NUP133: variants seen among roughly 807,000 people sequenced by gnomAD.
NUP133 encodes the protein nuclear pore complex protein Nup133.
NUP133 carries 66 observed loss-of-function variants against 146.2 expected under a neutral mutation model. That is an observed-to-expected ratio of 0.45 (90% CI 0.37 to 0.55). The LOEUF (loss-of-function observed/expected upper bound fraction) is 0.55. NUP133 is among the 20% of genes least tolerant of loss of function. The pLI, the probability that NUP133 is intolerant of heterozygous loss-of-function variation, is 0.00. For synonymous variants in NUP133, 521 were observed against 498.8 expected, an observed-to-expected ratio of 1.04 and a Z score of -0.59; for missense variants, 1,277 against 1,374.8, an observed-to-expected ratio of 0.93 and a Z score of 1.12.
intron 16 of NUP133, among the ~76,000 whole-genome samples, chr1:229,465,906 A>AAG (rs1436292635): frequency 7.9e-5 from 12 of 151,444 alleles, no homozygotes; most frequent in African/African-American, 2.7e-4. Flanking sequence ...AAAAAAAAAA[A>AAG]AAAGAAAAGA....
chr1:229,459,584 G>A (rs1386693207), intron 20 of NUP133, among the ~76,000 whole-genome samples: 1 of 152,070 alleles, frequency 6.6e-6, no homozygotes, highest in African/African-American at 2.4e-5. Flanking sequence ...CTGCTTCCAT[G>A]AGTTCAATTG....
intron 11 of NUP133, among the ~76,000 whole-genome samples, chr1:229,485,708 G>A (rs1472912628): frequency 6.6e-6 from 1 of 152,128 alleles, no homozygotes; most frequent in Non-Finnish European, 1.5e-5. Flanking sequence ...TTAGATATAT[G>A]GAGAAAAATA....
intron 7 of NUP133, 119 bp downstream of exon 7, chr1:229,495,773 C>T: frequency 1.0e-6 from 1 of 979,596 alleles, no homozygotes; most frequent in Non-Finnish European, 1.5e-6. Flanking sequence ...ATCTGATAAC[C>T]ATACACTATG....
chr1:229,460,682 A>C lies in NUP133; in HGVS notation c.2773T>G (p.Leu925Val), dbSNP rs765260773. The C allele has an allele frequency of 1.9e-6, 3 of 1,614,118 alleles. No individual in the cohort carries two copies. Among genetic ancestry groups the C allele is most frequent in the Non-Finnish European group, 2.5e-6 (3 of 1,179,992 alleles). Residue 925 changes from leucine to valine, a missense_variant, in exon 20 of 26, where the codon TTG becomes GTG. Leu to Val is a conservative substitution (Grantham distance 32). Around this residue, in one of 3 missense-constraint regions of NUP133, gnomAD observed 952 missense variants for 1,047.0 expected, o/e 0.91. Coordinates refer to ENST00000261396, the MANE Select transcript of NUP133 (RefSeq NM_018230.3). ...TCATGAGCTTGCAAAAAATTTGCCA[A>C]CTGTCCATGCTGAGAAATGGGCTGA... The part of the protein sequence containing the change: ...LSQPISQHGQ[L>V]ANFLQAHEHL...
intron 14 of NUP133, among the ~76,000 whole-genome samples, chr1:229,473,438 G>A (rs768876794): frequency 3.1e-4 from 47 of 152,164 alleles, no homozygotes; most frequent in Non-Finnish European, 6.3e-4. Flanking sequence ...ACTGCTACCA[G>A]CAGCCGTGGA....
intron 25 of NUP133, 70 bp from the exon 26 acceptor site, chr1:229,442,110 T>A: frequency 7.0e-7 from 1 of 1,427,024 alleles, no homozygotes; most frequent in Non-Finnish European, 9.4e-7. Flanking sequence ...TGATGATTGA[T>A]GACAAAAGCA....
At chr1:229,442,091 A>G (rs779455632) in intron 25 of NUP133, 51 bp from the exon 26 acceptor site, 1 of 1,514,664 alleles carries the variant, frequency 6.6e-7, no homozygotes, top group East Asian at 2.5e-5. Context: ...AAAATGCTCA[A>G]ATGAATTCTG....
In NUP133 at chr1:229,487,276, A is replaced by C. The variant is rs374963881; in HGVS notation, c.1342+190T>G. ...TACTATCTTTGTCTGTAAATATAAT[A>C]GTTTGGAAATTCTAGTACCCTTTTG... On this transcript the variant is annotated intron_variant, in intron 10 of 25. Coordinates refer to ENST00000261396, the MANE Select transcript of NUP133 (RefSeq NM_018230.3). 4.6e-5 allele frequency among the ~76,000 whole-genome samples: 7 copies of C among 152,264 alleles called. No homozygotes were observed. The East Asian group carries it at 5.8e-4, about 13-fold the overall frequency.
chr1:229,464,471 T>C (rs757918382), intron 18 of NUP133, among the ~76,000 whole-genome samples, 153 bp downstream of exon 18: 1 of 152,246 alleles, frequency 6.6e-6, no homozygotes, highest in Non-Finnish European at 1.5e-5. Context: ...GGAAAAAAAG[T>C]TGAATAAATG....
intron 5 of NUP133, among the ~76,000 whole-genome samples, chr1:229,498,585 G>A (rs763883643): frequency 6.0e-4 from 91 of 152,044 alleles, no homozygotes; most frequent in Admixed American, 1.5e-3. Context: ...GTGAAACCCC[G>A]TCTCTATTAA....
At position 229,487,459 on chromosome 1, in the gene NUP133, AC is replaced by A. The variant is rs1661384097; in HGVS notation, c.1342+6del. On this transcript the variant is annotated splice_donor_region_variant and intron_variant, in intron 10 of 25. Coordinates refer to ENST00000261396, the MANE Select transcript of NUP133 (RefSeq NM_018230.3). ...ACCAATCATGCTTTCTAAAACTGCTACTGTACCTTGTGCATTAAAGACAATT... is the reference window on the plus strand; with the variant it reads ...ACCAATCATGCTTTCTAAAACTGCTATGTACCTTGTGCATTAAAGACAATT... 2.8e-5 allele frequency: 45 copies of A among 1,611,494 alleles called. No homozygotes were observed. Among genetic ancestry groups the A allele is most frequent in the Non-Finnish European group, 3.6e-5 (42 of 1,179,478 alleles).
At position 229,441,540 on chromosome 1, in the gene NUP133, C is replaced by G; in HGVS notation, c.*364G>C. ...TCTGGAGTCACAGCAATTTTAGAGA[C>G]AAGCTAGTGCAATCTAGTAATTTTC... is the stretch of plus-strand genomic sequence containing the variant. On this transcript the variant is annotated 3_prime_UTR_variant, in exon 26 of 26. Transcript: ENST00000261396. 2.1e-6 allele frequency: 1 copy of G among 481,502 alleles called. No individual in the cohort carries two copies. The highest frequency in any genetic ancestry group is 4.3e-6 in the Non-Finnish European group (1 of 234,574). 29.8% of individuals were successfully genotyped at this position (481,502 alleles called of 1,614,324 possible).
intron 1 of NUP133, among the ~76,000 whole-genome samples, chr1:229,506,629 C>T (rs939001437): frequency 4.6e-5 from 7 of 151,638 alleles, no homozygotes; most frequent in South Asian, 2.1e-4. Flanking sequence ...CAGACCTGGC[C>T]GGAGCAGTGG....
intron 19 of NUP133, among the ~76,000 whole-genome samples, chr1:229,462,944 C>A (rs1269867180): frequency 2.0e-5 from 3 of 152,140 alleles, no homozygotes; most frequent in Non-Finnish European, 4.4e-5. Context: ...TTAAAGTAGT[C>A]TTCTATGCTC....
chr1:229,462,691 G>A (rs971295218), intron 19 of NUP133, among the ~76,000 whole-genome samples: 3 of 151,934 alleles, frequency 2.0e-5, no homozygotes, highest in African/African-American at 7.3e-5. Context: ...CTGAATAAGT[G>A]TGGCCATGGG....
chr1:229,488,232 A>T (rs2102776132), intron 9 of NUP133, among the ~76,000 whole-genome samples: 1 of 152,336 alleles, frequency 6.6e-6, no homozygotes, highest in Non-Finnish European at 1.5e-5. Context: ...AATTCAAAGG[A>T]GAAAATGAAA....
intron 8 of NUP133, among the ~76,000 whole-genome samples, chr1:229,493,690 A>G (rs1661581943): frequency 6.6e-6 from 1 of 152,228 alleles, no homozygotes; most frequent in South Asian, 2.1e-4. Context: ...GAGGAAGGTC[A>G]AGGAGGATAA....
rs1660767993 is a variant in NUP133, at chr1:229,464,477, A to G, written c.2551+147T>C. ...GATAGTACTGGAAAAAAAGTTGAAT[A>G]AATGAGCACAGAAAGCTGTGCATAT... On this transcript the variant is annotated intron_variant, in intron 18 of 25. Coordinates refer to ENST00000261396, the MANE Select transcript of NUP133 (RefSeq NM_018230.3). 4.3e-6 allele frequency: 4 copies of G among 928,934 alleles called. No homozygotes were observed. The South Asian group carries it at 6.9e-5, about 16-fold the overall frequency. The allele number at this position is 928,934 out of a possible 1,614,324, so 57.5% of individuals were successfully genotyped here.
Position 229,441,869 on chromosome 1 carries a change from C to T in NUP133, c.*35G>A, listed in dbSNP as rs370829250. ...AAATTTGTATAAGGACACACTTATA[C>T]AGATTTCATAAACAATGGCCATTTT... On this transcript the variant is annotated 3_prime_UTR_variant, in exon 26 of 26. Transcript: ENST00000261396. 48 of 1,519,482 alleles carry T rather than the reference C, an allele frequency of 3.2e-5. No individual in the cohort carries two copies. The highest frequency in any genetic ancestry group is 2.4e-5 in the East Asian group (1 of 42,406). The allele number at this position is 1,519,482 out of a possible 1,614,324, so 94.1% of individuals were successfully genotyped here. A position where few individuals can be genotyped will look rare whatever the true frequency, so the allele number is the denominator to read the frequency against.
Sources: gnomAD v4.1 joint callset for allele counts (sites outside exome capture counted in the v4.1 genomes callset) on GRCh38, gnomAD v4.1.1 for gene constraint, gnomAD v4.1.1 regional missense constraint, MANE v1.5 for transcripts, NCBI Gene and HGNC (gene_info 2026-07-23, HGNC 2026-07-21) for gene names.